The following C3orf52 variants were observed in gnomAD, a reference collection of about 807,000 sequenced individuals.
The protein encoded by C3orf52 is TPA-induced transmembrane protein.
C3orf52 carries 22 observed loss-of-function variants against 24.8 expected under a neutral mutation model. The observed-to-expected ratio is 0.89, with a 90% CI of 0.63 to 1.27. The LOEUF (loss-of-function observed/expected upper bound fraction) is 1.27, where lower values mean the gene tolerates loss of function less well. Ranked by LOEUF, C3orf52 falls within the 50% of genes most tolerant of loss-of-function variation. C3orf52 has a pLI of 0.00. For missense variants in C3orf52, 265 were observed against 260.7 expected (o/e 1.02, Z -0.11); for synonymous variants, 93 against 100.2 (o/e 0.93, Z 0.43).
chr3:112,094,304 C>G (rs763761317), intron 2 of C3orf52, among the ~76,000 whole-genome samples: 2 of 152,108 alleles, frequency 1.3e-5, no homozygotes, highest in Non-Finnish European at 2.9e-5. Flanking sequence ...CCAATTTTAA[C>G]TTGTTTTAGA....
chr3:112,113,282 C>G, intron 5 of C3orf52, 137 bp downstream of exon 5: 1 of 650,474 alleles, frequency 1.5e-6, no homozygotes, highest in Non-Finnish European at 2.6e-6. Context: ...CACTCATCCC[C>G]TCAGCAGATG....
intron 2 of C3orf52, among the ~76,000 whole-genome samples, chr3:112,100,109 A>G (rs2073958723): frequency 6.6e-6 from 1 of 151,976 alleles, no homozygotes; most frequent in Non-Finnish European, 1.5e-5. Flanking sequence ...GTCTGTTCCA[A>G]ACTTGTGCCT....
chr3:112,096,509 T>G (rs1004232803), intron 2 of C3orf52, among the ~76,000 whole-genome samples: 1 of 152,260 alleles, frequency 6.6e-6, no homozygotes, highest in African/African-American at 2.4e-5. Flanking sequence ...CTCTTATACA[T>G]GCAACAGTAG....
At chr3:112,133,418 C>G (rs2074506400), downstream of C3orf52, 1 of 361,284 alleles carries the variant, frequency 2.8e-6, no homozygotes, top group African/African-American at 2.1e-5. Context: ...AATCCCAGGT[C>G]TGAAATTACA....
chr3:112,130,613 T>C (rs2074430558), downstream of C3orf52: 2 of 1,040,944 alleles, frequency 1.9e-6, no homozygotes, highest in African/African-American at 1.6e-5. Context: ...GCTATTTGTG[T>C]GTAACTCAGA....
intron 2 of C3orf52, among the ~76,000 whole-genome samples, chr3:112,098,029 C>A (rs1387431535): frequency 2.0e-5 from 3 of 152,242 alleles, no homozygotes. Flanking sequence ...TTCAAATGCA[C>A]TAGCATCCTC....
At chr3:112,110,380 C>T (rs1414440485) in intron 4 of C3orf52, among the ~76,000 whole-genome samples, 2 of 151,818 alleles carry the variant, frequency 1.3e-5, no homozygotes, top group Admixed American at 6.6e-5. Flanking sequence ...GAGGTATGCA[C>T]AGGAAAAGTC....
At chr3:112,128,106 C>A in intron 4 of C3orf52, 1 of 1,573,600 alleles carries the variant, frequency 6.4e-7, no homozygotes, top group Non-Finnish European at 8.7e-7. Flanking sequence ...TTGATTTCTG[C>A]AGCTTTGTTA....
downstream of C3orf52, among the ~76,000 whole-genome samples, chr3:112,120,124 A>G (rs1459775521): frequency 6.6e-6 from 1 of 152,244 alleles, no homozygotes; most frequent in African/African-American, 2.4e-5. Context: ...AGTGCCTTGC[A>G]AAAGAGAATT....
intron 4 of C3orf52, among the ~76,000 whole-genome samples, chr3:112,110,874 A>G (rs2074073873): frequency 6.6e-6 from 1 of 152,226 alleles, no homozygotes; most frequent in Admixed American, 6.5e-5. Context: ...CCTGAAGTCT[A>G]CAGATACATA....
downstream of C3orf52, chr3:112,133,199 G>T: frequency 6.6e-7 from 1 of 1,513,978 alleles, no homozygotes; most frequent in South Asian, 1.1e-5. Flanking sequence ...GGCAACTCCT[G>T]ACTTAAAGAA....
intron 2 of C3orf52, among the ~76,000 whole-genome samples, chr3:112,101,724 C>T (rs547020873): frequency 1.4e-4 from 22 of 152,196 alleles, no homozygotes; most frequent in Non-Finnish European, 2.5e-4. Context: ...CTCCTTTTTA[C>T]CTGTCCTTCC....
chr3:112,125,922 G>A (rs2074307639), intron 4 of C3orf52, among the ~76,000 whole-genome samples: 1 of 152,172 alleles, frequency 6.6e-6, no homozygotes, highest in African/African-American at 2.4e-5. Context: ...TGACACCCTT[G>A]CTACCCTCTT....
downstream of C3orf52, chr3:112,119,628 C>T: frequency 1.6e-6 from 1 of 633,682 alleles, no homozygotes; most frequent in Non-Finnish European, 2.8e-6. Flanking sequence ...TATTCAGAGT[C>T]TGATCAATGC....
chr3:112,120,425 A>G (rs1353041944), downstream of C3orf52, among the ~76,000 whole-genome samples: 1 of 152,160 alleles, frequency 6.6e-6, no homozygotes, highest in East Asian at 1.9e-4. Flanking sequence ...TTCCCGCCCT[A>G]TCTTTGCCCT....
chr3:112,133,119 A>G, downstream of C3orf52: 1 of 1,613,784 alleles, frequency 6.2e-7, no homozygotes, highest in Non-Finnish European at 8.5e-7. Flanking sequence ...AGAATTTCCC[A>G]TCCTCTCAGT....
intron 4 of C3orf52, among the ~76,000 whole-genome samples, chr3:112,124,953 T>A (rs2074280657): frequency 6.6e-6 from 1 of 152,196 alleles, no homozygotes; most frequent in Non-Finnish European, 1.5e-5. Context: ...TTTAGCTACA[T>A]GAGTTGATGT....
downstream of C3orf52, chr3:112,133,364 A>G (rs2074504814): frequency 2.2e-6 from 1 of 451,594 alleles, no homozygotes; most frequent in Non-Finnish European, 4.0e-6. Context: ...GCTGTTGGCC[A>G]TAACCAGCAA....
chr3:112,087,939 G>A (rs1455656733), intron 1 of C3orf52, among the ~76,000 whole-genome samples: 2 of 152,210 alleles, frequency 1.3e-5, no homozygotes, highest in African/African-American at 2.4e-5. Context: ...GTGCCTACTC[G>A]GCCTTCTGTG....
Sources: gnomAD v4.1 joint callset for allele counts (sites outside exome capture counted in the v4.1 genomes callset) on GRCh38, gnomAD v4.1.1 for gene constraint, MANE v1.5 for transcripts, NCBI Gene and HGNC (gene_info 2026-07-23, HGNC 2026-07-21) for gene names.